Variants in DDX1 observed in about 807,000 individuals in gnomAD.
DDX1 encodes DEAD-box helicase 1.
DDX1 carries 28 observed loss-of-function variants against 108.7 expected under a neutral mutation model. That is an observed-to-expected ratio of 0.26 (90% CI 0.19 to 0.35). DDX1 has a LOEUF of 0.35. Ranked by LOEUF, DDX1 falls within the 10% of genes least tolerant of loss-of-function variation. The pLI, the probability that DDX1 is intolerant of heterozygous loss-of-function variation, is 1.00. For missense variants in DDX1, 710 were observed against 884.5 expected (o/e 0.80, Z 2.50); for synonymous variants, 295 against 288.9 (o/e 1.02, Z -0.21).
chr2:15,630,114 A>G lies in DDX1; in HGVS notation c.2092+4A>G. ...GGTCAGAAAAGGGCTGCTGGTGGTA[A>G]GCTTTGAATTATTTTAAATACAATT... On this transcript the variant is annotated splice_donor_region_variant and intron_variant, in intron 25 of 25. Transcript: ENST00000233084. 1 of 1,612,252 alleles carries G rather than the reference A, an allele frequency of 6.2e-7. No individual in the cohort carries two copies. The highest frequency in any genetic ancestry group is 8.5e-7 in the Non-Finnish European group (1 of 1,179,438).
At chr2:15,598,655 G>GA (rs1446326781) in intron 5 of DDX1, among the ~76,000 whole-genome samples, 4 of 152,120 alleles carry the variant, frequency 2.6e-5, no homozygotes, top group African/African-American at 7.2e-5. Flanking sequence ...CAATGCAAGG[G>GA]AAAACCTCAA....
rs150261273 is a variant in DDX1 at position 15,607,340 on chromosome 2, C to T, written c.956+27C>T. The stretch of plus-strand genomic sequence containing the variant: ...TAAATCTTCCTTTTGTGCTGAAATG[C>T]TTATTGTCTTTTGGTTTGAAGTTTT... On this transcript the variant is annotated intron_variant, in intron 13 of 25. Transcript: ENST00000233084. The T allele has an allele frequency of 1.8e-3, 2,947 of 1,605,208 alleles. 3 individuals are homozygous for T. Among genetic ancestry groups the T allele is most frequent in the Non-Finnish European group, 2.3e-3 (2,728 of 1,174,324 alleles).
At position 15,619,331 on chromosome 2, in the gene DDX1, G is replaced by A. The variant is rs1665952196; in HGVS notation, c.1207-877G>A. On this transcript the variant is annotated intron_variant, in intron 16 of 25. Coordinates refer to ENST00000233084, the MANE Select transcript of DDX1 (RefSeq NM_004939.3). Reference sequence around the variant, plus strand: ...GTGGCGGGCAAGAGCGGCAACACGGGGCCAGGGTCCAGAGTGGTGGAGACT... The same window carrying A: ...GTGGCGGGCAAGAGCGGCAACACGGAGCCAGGGTCCAGAGTGGTGGAGACT... 2.6e-5 allele frequency among the ~76,000 whole-genome samples: 4 copies of A among 152,328 alleles called. No individual in the cohort carries two copies. The South Asian group carries it at 8.3e-4, about 32-fold the overall frequency.
At chr2:15,630,735 G>A in intron 25 of DDX1, 41 bp from the exon 26 acceptor site, 2 of 1,581,842 alleles carry the variant, frequency 1.3e-6, no homozygotes, top group East Asian at 2.3e-5. Context: ...GTTATTTCAA[G>A]CATGTCATTT....
At chr2:15,625,227 C>G (rs1411835669) in intron 19 of DDX1, among the ~76,000 whole-genome samples, 1 of 151,908 alleles carries the variant, frequency 6.6e-6, no homozygotes, top group Non-Finnish European at 1.5e-5. Flanking sequence ...CTGTATCAAT[C>G]TATTTATATG....
At chr2:15,602,484 TG>T (rs961416290) in intron 6 of DDX1, 63 bp from the exon 7 acceptor site, 44 of 1,147,334 alleles carry the variant, frequency 3.8e-5, no homozygotes, top group Non-Finnish European at 5.4e-5. Flanking sequence ...TGGTAGGGGG[TG>T]GGAATGTATG....
At position 15,627,168 on chromosome 2, in the gene DDX1, T is replaced by TAA. The variant is rs1460895586; in HGVS notation, c.1686+23_1686+24insAA. On this transcript the variant is annotated intron_variant, in intron 20 of 25. Transcript: ENST00000233084. ...AAGGTACTGATACATAGTTGATTGT[T>TAA]TCCTTAATACTTAAGAGGGGCATTA... 3.6e-6 allele frequency: 5 copies of TAA among 1,377,534 alleles called. No homozygotes were observed. In the Admixed American group the frequency reaches 7.2e-5, roughly 20 times the overall value. The allele number at this position is 1,377,534 out of a possible 1,614,324, so 85.3% of individuals were successfully genotyped here. A position where few individuals can be genotyped will look rare whatever the true frequency, so the allele number is the denominator to read the frequency against.
intron 13 of DDX1, among the ~76,000 whole-genome samples, chr2:15,611,896 CG>C (rs765618735): frequency 9.2e-5 from 4 of 43,640 alleles, no homozygotes; most frequent in East Asian, 2.2e-3. Flanking sequence ...CCGGACGGGG[CG>C]GCTGGCCGGG....
intron 13 of DDX1, among the ~76,000 whole-genome samples, chr2:15,611,827 G>C (rs1339113430): frequency 9.9e-6 from 1 of 100,826 alleles, no homozygotes. Flanking sequence ...GCGGCTGGCC[G>C]GGCAGAGGGG....
rs561058750 is a variant in DDX1 at position 15,614,554 on chromosome 2, G to A, written c.1017+1270G>A. Among the ~76,000 whole-genome samples the A allele has an allele frequency of 7.2e-5, 11 of 152,232 alleles. 1 individual carries two copies. In the South Asian group the frequency reaches 2.1e-3, roughly 29 times the overall value. The stretch of plus-strand genomic sequence containing the variant: ...GGCTTTTAACAGATGATTAGATCGC[G>A]AGGGCTTTGTCCTCATGAATGGGTT... On this transcript the variant is annotated intron_variant, in intron 14 of 25. Transcript: ENST00000233084.
At chr2:15,604,055 A>G (rs1449980916) in intron 9 of DDX1, among the ~76,000 whole-genome samples, 165 bp downstream of exon 9, 2 of 152,228 alleles carry the variant, frequency 1.3e-5, no homozygotes, top group Non-Finnish European at 2.9e-5. Context: ...AAATATTGTC[A>G]AGCTAGATAA....
chr2:15,621,233 A>G, intron 18 of DDX1, 117 bp downstream of exon 18: 1 of 695,340 alleles, frequency 1.4e-6, no homozygotes. Context: ...TTGGAAATAA[A>G]GGCAACAAAA....
chr2:15,606,274 C>CTGAG lies in DDX1; in HGVS notation c.817+12_817+13insAGTG. On this transcript the variant is annotated intron_variant, in intron 12 of 25. Transcript: ENST00000233084. ...AAATCACAGCACTCAGGTATTATAC[C>CTGAG]TGCAAGGGTAAGGATTTCTAGAATA... 1 of 1,579,400 alleles carries CTGAG rather than the reference C, an allele frequency of 6.3e-7. No homozygotes were observed. Among genetic ancestry groups the CTGAG allele is most frequent in the Non-Finnish European group, 8.7e-7 (1 of 1,150,108 alleles).
intron 16 of DDX1, 98 bp downstream of exon 16, chr2:15,618,368 T>A (rs1665934492): frequency 1.5e-6 from 1 of 686,700 alleles, no homozygotes; most frequent in Non-Finnish European, 2.6e-6. Flanking sequence ...GCTGGAAACC[T>A]CTGCGGCTAG....
chr2:15,618,136 T>C, intron 15 of DDX1, 45 bp from the exon 16 acceptor site: 1 of 1,208,412 alleles, frequency 8.3e-7, no homozygotes, highest in African/African-American at 1.5e-5. Context: ...TACGTTTTTT[T>C]CCATACTGAT....
At chr2:15,598,004 C>A (rs1665528893) in intron 5 of DDX1, among the ~76,000 whole-genome samples, 1 of 152,088 alleles carries the variant, frequency 6.6e-6, no homozygotes, top group Non-Finnish European at 1.5e-5. Flanking sequence ...CTGATACTGT[C>A]TCTACCGTAA....
rs142728576 is a variant in DDX1 at position 15,630,972 on chromosome 2, G to C, written c.*66G>C. The C allele has an allele frequency of 2.0e-6, 3 of 1,496,440 alleles. No homozygotes were observed. The South Asian group carries it at 3.6e-5, about 18-fold the overall frequency. 92.7% of individuals were successfully genotyped at this position (1,496,440 alleles called of 1,614,324 possible). ...GTAGTCTTAAAACTCTAAAACAGTT[G>C]TACTGCTTCCAAGCAGCAGTATTTA... On this transcript the variant is annotated 3_prime_UTR_variant, in exon 26 of 26. Coordinates refer to ENST00000233084, the MANE Select transcript of DDX1 (RefSeq NM_004939.3).
chr2:15,612,091 G>C (rs1465024916), intron 13 of DDX1, among the ~76,000 whole-genome samples: 1 of 127,640 alleles, frequency 7.8e-6, no homozygotes, highest in Non-Finnish European at 1.6e-5. Flanking sequence ...GGCGGGGCCT[G>C]ACCCCCCCAC....
At chr2:15,617,686 C>T (rs1266470847) in intron 15 of DDX1, among the ~76,000 whole-genome samples, 2 of 152,106 alleles carry the variant, frequency 1.3e-5, no homozygotes, top group Non-Finnish European at 2.9e-5. Flanking sequence ...TTGATTTTTG[C>T]TCCAAATAAC....
Sources: gnomAD v4.1 joint callset for allele counts (sites outside exome capture counted in the v4.1 genomes callset) on GRCh38, gnomAD v4.1.1 for gene constraint, MANE v1.5 for transcripts, NCBI Gene and HGNC (gene_info 2026-07-23, HGNC 2026-07-21) for gene names.